CSMD2: variants seen among roughly 807,000 people sequenced by gnomAD.
CSMD2 encodes the protein CUB and sushi domain-containing protein 2.
A neutral mutation model predicts 398.5 loss-of-function variants in CSMD2; 130 were observed. The observed-to-expected ratio is 0.33, with a 90% CI of 0.28 to 0.38. CSMD2 has a LOEUF of 0.38. CSMD2 is among the 10% of genes least tolerant of loss of function. The pLI, the probability that CSMD2 is intolerant of heterozygous loss-of-function variation, is 1.00. For missense variants in CSMD2, 3,829 were observed against 4,764.9 expected (o/e 0.80, Z 5.78); for synonymous variants, 1,828 against 1,908.5 (o/e 0.96, Z 1.10).
chr1:33,658,407 G>A (rs1644020472), intron 26 of CSMD2, among the ~76,000 whole-genome samples: 1 of 152,178 alleles, frequency 6.6e-6, no homozygotes, highest in Non-Finnish European at 1.5e-5. Context: ...ACTGTCATCT[G>A]CCTGTCATGA....
At chr1:33,864,966 A>G in intron 5 of CSMD2, among the ~76,000 whole-genome samples, 1 of 77,140 alleles carries the variant, frequency 1.3e-5, no homozygotes, top group Non-Finnish European at 2.6e-5. Context: ...AGGGGAAGGG[A>G]AGGGAAAGGA....
chr1:33,966,145 G>A (rs1323642315), intron 3 of CSMD2, among the ~76,000 whole-genome samples: 1 of 152,166 alleles, frequency 6.6e-6, no homozygotes. Flanking sequence ...ATGGCTCCCT[G>A]AACTTCCAGG....
intron 4 of CSMD2, among the ~76,000 whole-genome samples, chr1:33,928,524 TC>T (rs1166461408): frequency 6.6e-6 from 1 of 152,100 alleles, no homozygotes; most frequent in Non-Finnish European, 1.5e-5. Context: ...CCATTATTAT[TC>T]CCATTTACAA....
intron 25 of CSMD2, among the ~76,000 whole-genome samples, chr1:33,682,263 G>A (rs1644931759): frequency 6.6e-6 from 1 of 152,144 alleles, no homozygotes; most frequent in Non-Finnish European, 1.5e-5. Flanking sequence ...GTGGCATCTA[G>A]GGTTCACCCA....
intron 3 of CSMD2, among the ~76,000 whole-genome samples, chr1:34,021,568 C>G (rs998419674): frequency 2.6e-5 from 4 of 152,162 alleles, no homozygotes; most frequent in African/African-American, 7.2e-5. Flanking sequence ...GCCTTGAGCA[C>G]GGTTATGGGA....
rs918072993 is a variant in CSMD2 at position 33,559,537 on chromosome 1, C to T, written c.8381-64G>A. 13 of 1,417,718 alleles carry T rather than the reference C, an allele frequency of 9.2e-6. No individual in the cohort carries two copies. Among genetic ancestry groups the T allele is most frequent in the African/African-American group, 1.4e-5 (1 of 70,848 alleles). 87.8% of individuals were successfully genotyped at this position (1,417,718 alleles called of 1,614,324 possible). On this transcript the variant is annotated intron_variant, in intron 53 of 70. Coordinates refer to ENST00000373381, the MANE Select transcript of CSMD2 (RefSeq NM_001281956.2). This position sits in a 1 kb window ranked among gnomAD's most constrained non-coding sequence, Gnocchi z 4.0. The stretch of plus-strand genomic sequence containing the variant: ...TTCCACACCCCTCAGAATTTATCCA[C>T]CTCTCACCTGGCATCTCTTAGGCCA...
At chr1:33,994,933 G>A (rs1216159694) in intron 3 of CSMD2, among the ~76,000 whole-genome samples, 1 of 152,030 alleles carries the variant, frequency 6.6e-6, no homozygotes, top group African/African-American at 2.4e-5. Context: ...GTGTGGTGGT[G>A]CATGTCTGTA....
intron 53 of CSMD2, among the ~76,000 whole-genome samples, chr1:33,562,724 G>T (rs1658688051): frequency 6.6e-6 from 1 of 152,218 alleles, no homozygotes; most frequent in Admixed American, 6.5e-5. Context: ...GAGGCTTTGA[G>T]TGAAATAGAT....
At chr1:33,697,712 A>G (rs754656051) in intron 24 of CSMD2, among the ~76,000 whole-genome samples, 9 of 152,214 alleles carry the variant, frequency 5.9e-5, no homozygotes, top group Non-Finnish European at 8.8e-5. Context: ...TATCCTCCCA[A>G]CATTTTGCAC....
chr1:33,872,733 G>A (rs997192641), intron 5 of CSMD2, among the ~76,000 whole-genome samples: 4 of 152,184 alleles, frequency 2.6e-5, no homozygotes, highest in South Asian at 2.1e-4. Context: ...AAAATAAAAT[G>A]AGGCCATTGG....
At chr1:33,896,435 G>A (rs1642391292) in intron 5 of CSMD2, among the ~76,000 whole-genome samples, 1 of 152,154 alleles carries the variant, frequency 6.6e-6, no homozygotes, top group South Asian at 2.1e-4. Context: ...GGCAAACCAG[G>A]TAGAGAGATA....
chr1:33,525,235 A>G (rs1260866277), intron 65 of CSMD2, among the ~76,000 whole-genome samples, 192 bp from the exon 66 acceptor site: 1 of 152,206 alleles, frequency 6.6e-6, no homozygotes, highest in Non-Finnish European at 1.5e-5. Context: ...GAGGGAACTG[A>G]TAAATATCCA....
intron 14 of CSMD2, among the ~76,000 whole-genome samples, chr1:33,742,948 T>C (rs1647129706): frequency 6.6e-6 from 1 of 152,192 alleles, no homozygotes; most frequent in African/African-American, 2.4e-5. Flanking sequence ...TTCTTTCTCT[T>C]GGGCCCTCCC....
chr1:33,993,874 T>C (rs1298466758), intron 3 of CSMD2, among the ~76,000 whole-genome samples: 5 of 152,116 alleles, frequency 3.3e-5, no homozygotes, highest in Non-Finnish European at 7.3e-5. Flanking sequence ...GCACCTTATC[T>C]CCATATCCAT....
chr1:33,562,050 A>G (rs1451871091), intron 53 of CSMD2, among the ~76,000 whole-genome samples: 1 of 152,232 alleles, frequency 6.6e-6, no homozygotes, highest in Admixed American at 6.5e-5. Context: ...AGGAGTGATC[A>G]AAAAAGTAGT....
rs1024266803 is a variant in CSMD2 at position 33,524,981 on chromosome 1, T to G, written c.10297A>C (p.Lys3433Gln). The G allele has an allele frequency of 1.2e-6, 2 of 1,614,114 alleles. No homozygotes were observed. The highest frequency in any genetic ancestry group is 1.7e-6 in the Non-Finnish European group (2 of 1,180,034). The change falls in exon 66 of 71, where the codon AAG (lysine) becomes CAG (glutamine). Residue 3433 changes from lysine (K) to glutamine (Q), a missense_variant. By Grantham distance (53) the Lys-to-Gln change is moderately conservative (BLOSUM62 1). Transcript: ENST00000373381. ...GTCACTCTGAGCATGGCTGGCTGCT[T>G]CTTCCCCTGGTATTCATAGGCCCCT... The part of the protein sequence containing the change: ...WKGAYEYQGK[K>Q]QPAMLRVTGF...
At chr1:34,126,118 G>A (rs1028953803) in intron 1 of CSMD2, among the ~76,000 whole-genome samples, 4 of 152,174 alleles carry the variant, frequency 2.6e-5, no homozygotes, top group Admixed American at 6.5e-5. Context: ...CAGTAGCTGG[G>A]TTGGAGACAA....
chr1:33,587,332 T>TTA (rs1639156184), intron 44 of CSMD2, among the ~76,000 whole-genome samples, 164 bp from the exon 45 acceptor site: 2 of 152,246 alleles, frequency 1.3e-5, no homozygotes, highest in South Asian at 4.1e-4. Flanking sequence ...TCCTTTTTGC[T>TTA]TATCTTCTGT....
At chr1:34,100,576 T>C (rs1377395186) in intron 1 of CSMD2, among the ~76,000 whole-genome samples, 2 of 152,190 alleles carry the variant, frequency 1.3e-5, no homozygotes, top group African/African-American at 2.4e-5. Flanking sequence ...ATTCAGGTCA[T>C]TTCTCGGTTT....
Sources: allele counts gnomAD v4.1 joint callset (sites outside exome capture counted in the v4.1 genomes callset), GRCh38; gene constraint gnomAD v4.1.1; non-coding constraint Gnocchi (gnomAD v3.1); transcripts MANE v1.5; gene names NCBI Gene and HGNC (gene_info 2026-07-23, HGNC 2026-07-21).